The following ELK3 variants were observed in gnomAD, a reference collection of about 807,000 sequenced individuals.
ELK3 encodes ETS domain-containing protein Elk-3.
Under a neutral mutation model 28.9 loss-of-function variants are expected in ELK3, and 10 were observed. The observed-to-expected ratio is 0.35, with a 90% CI of 0.21 to 0.59. ELK3 has a LOEUF of 0.59. Ranked by LOEUF, ELK3 falls within the 20% of genes least tolerant of loss-of-function variation. ELK3 has a pLI of 0.82. For synonymous variants in ELK3, 272 were observed against 243.5 expected (o/e 1.12, Z -1.09); for missense variants, 463 against 517.3 (o/e 0.90, Z 1.02).
intron 3 of ELK3, among the ~76,000 whole-genome samples, chr12:96,249,094 C>T (rs1951881711): frequency 1.3e-5 from 2 of 152,166 alleles, no homozygotes; most frequent in African/African-American, 4.8e-5. Context: ...TTATTATCAT[C>T]CTGTTTCCCA....
At chr12:96,243,440 A>C (rs35818287) in intron 2 of ELK3, among the ~76,000 whole-genome samples, 6,207 of 152,236 alleles carry the variant, frequency 0.041, 140 homozygotes, top group Middle Eastern at 0.051. Context: ...ATAGAATAGA[A>C]TATTCTATTC....
intron 1 of ELK3, among the ~76,000 whole-genome samples, chr12:96,200,918 C>T (rs184484487): frequency 6.6e-6 from 1 of 152,276 alleles, no homozygotes; most frequent in Admixed American, 6.5e-5. Context: ...CTGTCTCCAC[C>T]TCCAAAGGGC....
At chr12:96,195,786 A>C (rs1449216308) in intron 1 of ELK3, among the ~76,000 whole-genome samples, 1 of 152,170 alleles carries the variant, frequency 6.6e-6, no homozygotes, top group Non-Finnish European at 1.5e-5. Flanking sequence ...AGAGGAGCTC[A>C]CAAAGAAACT....
Position 96,247,137 on chromosome 12 carries a change from C to T in ELK3, c.405C>T (p.Asn135=), listed in dbSNP as rs142263510. ...CCGCCCTCAGAAGCACGAGCCGCAACGAATACATCCACTCAGGCCTGTACT... is the reference window on the plus strand; with the variant it reads ...CCGCCCTCAGAAGCACGAGCCGCAATGAATACATCCACTCAGGCCTGTACT... ...GLAALRSTSR[N]EYIHSGLYSS... Residue 135 remains asparagine, a synonymous_variant, in exon 3 of 5, where the codon AAC becomes AAT. Coordinates refer to ENST00000228741, the MANE Select transcript of ELK3 (RefSeq NM_005230.4). The surrounding 1 kb of genome is among the most constrained non-coding windows in gnomAD (Gnocchi z 5.5). The T allele has an allele frequency of 3.0e-4, 482 of 1,614,024 alleles. 7 individuals are homozygous for T. The East Asian group carries it at 0.01, about 34-fold the overall frequency.
intron 3 of ELK3, among the ~76,000 whole-genome samples, chr12:96,249,921 T>C (rs1951890956): frequency 6.6e-6 from 1 of 152,158 alleles, no homozygotes; most frequent in African/African-American, 2.4e-5. Context: ...CCAGGATCTT[T>C]ACAAGAGGAC....
Position 96,247,098 on chromosome 12 carries a change from C to T in ELK3, c.366C>T (p.His122=). 6.2e-7 allele frequency: 1 copy of T among 1,613,634 alleles called. No homozygotes were observed. Among genetic ancestry groups the T allele is most frequent in the Non-Finnish European group, 8.5e-7 (1 of 1,179,870 alleles). ...CGTCTCCGGAGGGCCGCGAGGCCCA[C>T]AAACACGGCCTGGCCGCCCTCAGAA... ...CKASPEGREA[H]KHGLAALRST... The change falls in exon 3 of 5, where the codon CAC becomes CAT. Residue 122 remains histidine (H), a synonymous_variant. Transcript: ENST00000228741. The surrounding 1 kb of genome is among the most constrained non-coding windows in gnomAD (Gnocchi z 5.5).
chr12:96,257,561 A>G (rs1411736900), intron 3 of ELK3, among the ~76,000 whole-genome samples: 1 of 152,204 alleles, frequency 6.6e-6, no homozygotes, highest in Non-Finnish European at 1.5e-5. Flanking sequence ...TGGAGGAGAG[A>G]AGGATAGCTG....
chr12:96,206,017 T>C lies in ELK3; in HGVS notation c.-3+11312T>C, dbSNP rs190899629. Among the ~76,000 whole-genome samples the C allele has an allele frequency of 3.9e-3, 594 of 152,332 alleles. 7 individuals are homozygous for C. Among genetic ancestry groups the C allele is most frequent in the African/African-American group, 0.013 (547 of 41,574 alleles). On this transcript the variant is annotated intron_variant, in intron 1 of 4. Coordinates refer to ENST00000228741, the MANE Select transcript of ELK3 (RefSeq NM_005230.4). ...CTGCTTGAAGGCATCTTGAATCAGA[T>C]GACCCAAGTGTACTGTGAATTCTCA... is the stretch of plus-strand genomic sequence containing the variant.
At chr12:96,219,937 G>A (rs1404479073) in intron 1 of ELK3, among the ~76,000 whole-genome samples, 4 of 152,174 alleles carry the variant, frequency 2.6e-5, no homozygotes, top group Non-Finnish European at 5.9e-5. Context: ...AGCACGGGGC[G>A]AGGCTGGGCA....
At chr12:96,225,022 C>T (rs4762286) in intron 2 of ELK3, among the ~76,000 whole-genome samples, 128,176 of 152,202 alleles carry the variant, frequency 0.84, 54,194 homozygotes, top group East Asian at 1. Context: ...TCTCCTTTAA[C>T]GTAGCAATTA....
intron 3 of ELK3, 61 bp from the exon 4 acceptor site, chr12:96,259,668 CTG>C (rs1229626838): frequency 6.5e-7 from 1 of 1,545,238 alleles, no homozygotes; most frequent in Non-Finnish European, 8.8e-7. Context: ...CTCTGCTGCT[CTG>C]TTGATCATGG....
rs1003329347 is a variant in ELK3 at position 96,267,416 on chromosome 12, T to A, written c.*236T>A. On this transcript the variant is annotated 3_prime_UTR_variant, in exon 5 of 5. Transcript: ENST00000228741. The stretch of plus-strand genomic sequence containing the variant: ...GAATTTTAATGTTTTTGTTTTTATA[T>A]CCTTTTAGCTCTTAAGTGTTGAACA... 1.5e-5 allele frequency: 6 copies of A among 389,556 alleles called. No homozygotes were observed. Among genetic ancestry groups the A allele is most frequent in the African/African-American group, 1.2e-4 (6 of 48,522 alleles). 24.1% of individuals were successfully genotyped at this position (389,556 alleles called of 1,614,324 possible). A position where few individuals can be genotyped will look rare whatever the true frequency, so the allele number is the denominator to read the frequency against.
In ELK3 at chr12:96,247,792, G is replaced by T; in HGVS notation, c.1002+58G>T. The T allele has an allele frequency of 2.1e-6, 3 of 1,446,954 alleles. No homozygotes were observed. Among genetic ancestry groups the T allele is most frequent in the Non-Finnish European group, 2.7e-6 (3 of 1,100,278 alleles). 89.6% of individuals were successfully genotyped at this position (1,446,954 alleles called of 1,614,324 possible). A position where few individuals can be genotyped will look rare whatever the true frequency, so the allele number is the denominator to read the frequency against. ...CAGCTTCAGTGGCTTAGCAAAAAAG[G>T]AAGAGCAACTAAAGAGACTTCCTTC... On this transcript the variant is annotated intron_variant, in intron 3 of 4. Coordinates refer to ENST00000228741, the MANE Select transcript of ELK3 (RefSeq NM_005230.4). This position sits in a 1 kb window ranked among gnomAD's most constrained non-coding sequence, Gnocchi z 5.5.
At chr12:96,223,866 A>G (rs1951680596) in intron 2 of ELK3, 93 bp downstream of exon 2, 5 of 1,303,098 alleles carry the variant, frequency 3.8e-6, no homozygotes, top group South Asian at 2.6e-5. Context: ...CGTGCTATGA[A>G]TCAAGTTAGA....
intron 1 of ELK3, among the ~76,000 whole-genome samples, chr12:96,214,514 A>C (rs182602811): frequency 4.7e-4 from 72 of 152,316 alleles, no homozygotes; most frequent in Admixed American, 8.5e-4. Context: ...TAGGTGAGCA[A>C]TACCTACTTT....
chr12:96,242,057 C>T (rs755278846), intron 2 of ELK3, among the ~76,000 whole-genome samples: 1 of 152,218 alleles, frequency 6.6e-6, no homozygotes, highest in Admixed American at 6.5e-5. Flanking sequence ...CAGCTCCACC[C>T]GACACAGACC....
intron 2 of ELK3, among the ~76,000 whole-genome samples, chr12:96,234,813 AAG>A (rs965808704): frequency 3.9e-5 from 6 of 152,160 alleles, no homozygotes; most frequent in African/African-American, 1.4e-4. Flanking sequence ...CTTTCAGACT[AAG>A]AGTGTTGACC....
intron 2 of ELK3, among the ~76,000 whole-genome samples, chr12:96,238,708 G>A (rs578226991): frequency 3.3e-5 from 5 of 152,220 alleles, no homozygotes; most frequent in African/African-American, 1.2e-4. Flanking sequence ...TCTCTACCCT[G>A]TGGATTGGCA....
intron 2 of ELK3, among the ~76,000 whole-genome samples, chr12:96,225,404 G>A (rs1346397914): frequency 6.6e-6 from 1 of 152,196 alleles, no homozygotes; most frequent in East Asian, 1.9e-4. Context: ...AATTAGCAAA[G>A]CCATTCCTGT....
Sources: allele counts gnomAD v4.1 joint callset (sites outside exome capture counted in the v4.1 genomes callset), GRCh38; gene constraint gnomAD v4.1.1; non-coding constraint Gnocchi (gnomAD v3.1); transcripts MANE v1.5; gene names NCBI Gene and HGNC (gene_info 2026-07-23, HGNC 2026-07-21).